The following ZEB2 variants were observed in gnomAD, a reference collection of about 807,000 sequenced individuals.
ZEB2 encodes zinc finger E-box-binding homeobox 2.
A neutral mutation model predicts 99.9 loss-of-function variants in ZEB2; 6 were observed. That is an observed-to-expected ratio of 0.06 (90% CI 0.03 to 0.12). The LOEUF is 0.12. Ranked by LOEUF, ZEB2 falls within the 10% of genes least tolerant of loss-of-function variation. ZEB2 has a pLI of 1.00. For missense variants in ZEB2, 969 were observed against 1,502.8 expected (o/e 0.64, Z 5.87); for synonymous variants, 517 against 542.5 (o/e 0.95, Z 0.65).
At chr2:144,457,360 G>C (rs1270298091) in intron 2 of ZEB2, among the ~76,000 whole-genome samples, 1 of 152,164 alleles carries the variant, frequency 6.6e-6, no homozygotes, top group Non-Finnish European at 1.5e-5. Flanking sequence ...ATCTGGATCT[G>C]ATTCCTGACT....
chr2:144,491,869 C>A (rs552560347), intron 2 of ZEB2, among the ~76,000 whole-genome samples: 100 of 152,240 alleles, frequency 6.6e-4, no homozygotes, highest in African/African-American at 2.3e-3. Context: ...CAACAGGGAG[C>A]CTCATTATGT....
chr2:144,512,371 C>G (rs1432798503), intron 2 of ZEB2: 1 of 1,287,208 alleles, frequency 7.8e-7, no homozygotes, highest in African/African-American at 1.5e-5. Flanking sequence ...CGCGGCACTG[C>G]TAGAGGCTAG....
chr2:144,479,683 T>TGGGG (rs75706490), intron 2 of ZEB2, among the ~76,000 whole-genome samples: 4 of 52,594 alleles, frequency 7.6e-5, no homozygotes, highest in African/African-American at 1.2e-4. Context: ...TACTTTTTTT[T>TGGGG]GGGGGGGGGG....
chr2:144,497,323 A>G (rs557207574), intron 2 of ZEB2, among the ~76,000 whole-genome samples: 36 of 152,256 alleles, frequency 2.4e-4, no homozygotes, highest in African/African-American at 8.2e-4. Context: ...CTAGACAGCA[A>G]GCTCCTCAGG....
intron 2 of ZEB2, among the ~76,000 whole-genome samples, chr2:144,460,260 C>T (rs1378791644): frequency 1.3e-5 from 2 of 152,098 alleles, no homozygotes; most frequent in Non-Finnish European, 2.9e-5. Flanking sequence ...TATTCTTGAT[C>T]TATGTAAAGA....
intron 4 of ZEB2, among the ~76,000 whole-genome samples, chr2:144,412,688 T>A (rs1047077178): frequency 6.6e-6 from 1 of 152,232 alleles, no homozygotes; most frequent in Non-Finnish European, 1.5e-5. Flanking sequence ...ATTCATAACA[T>A]GATTTTGGAG....
intron 4 of ZEB2, among the ~76,000 whole-genome samples, chr2:144,410,579 GT>G (rs779636618): frequency 6.6e-6 from 1 of 152,124 alleles, no homozygotes; most frequent in Admixed American, 6.5e-5. Flanking sequence ...ATACTTAAAA[GT>G]GGGCTTTGCT....
chr2:144,409,923 T>C (rs1296445144), intron 4 of ZEB2, among the ~76,000 whole-genome samples: 2 of 151,534 alleles, frequency 1.3e-5, no homozygotes, highest in Non-Finnish European at 2.9e-5. Flanking sequence ...GTTTTTTTTT[T>C]TTTTTTGAGA....
intron 6 of ZEB2, among the ~76,000 whole-genome samples, chr2:144,401,514 C>T (rs1342486009): frequency 2.0e-5 from 3 of 152,160 alleles, no homozygotes; most frequent in East Asian, 3.9e-4. Flanking sequence ...CTTTCACATG[C>T]GCATCCAACA....
Position 144,405,122 on chromosome 2 carries a change from A to G in ZEB2, c.404-98T>C, listed in dbSNP as rs574500097. The G allele has an allele frequency of 1.1e-4, 138 of 1,267,946 alleles. No homozygotes were observed. The African/African-American group carries it at 1.9e-3, about 18-fold the overall frequency. 78.5% of individuals were successfully genotyped at this position (1,267,946 alleles called of 1,614,324 possible). A position where few individuals can be genotyped will look rare whatever the true frequency, so the allele number is the denominator to read the frequency against. ...AGCCAGTGAGAAATGCTGACTTGCAATAGACTACAAAACCTAGTTTATTTG... is the reference window on the plus strand; with the variant it reads ...AGCCAGTGAGAAATGCTGACTTGCAGTAGACTACAAAACCTAGTTTATTTG... On this transcript the variant is annotated intron_variant, in intron 4 of 9. Coordinates refer to ENST00000627532, the MANE Select transcript of ZEB2 (RefSeq NM_014795.4).
At chr2:144,490,750 A>G (rs1361418317) in intron 2 of ZEB2, among the ~76,000 whole-genome samples, 2 of 152,072 alleles carry the variant, frequency 1.3e-5, no homozygotes, top group Non-Finnish European at 1.5e-5. Context: ...TGTCCACTCC[A>G]CCCTTCCACT....
intron 2 of ZEB2, among the ~76,000 whole-genome samples, chr2:144,439,754 G>A (rs145147754): frequency 6.6e-6 from 1 of 152,258 alleles, no homozygotes; most frequent in Non-Finnish European, 1.5e-5. Flanking sequence ...AAGAAGAAAT[G>A]AATCAAGTAA....
At position 144,398,851 on chromosome 2, in the gene ZEB2, C is replaced by T. The variant is rs1162632837; in HGVS notation, c.2336G>A (p.Arg779Lys). 6.2e-7 allele frequency: 1 copy of T among 1,614,124 alleles called. No individual in the cohort carries two copies. Among genetic ancestry groups the T allele is most frequent in the Admixed American group, 1.7e-5 (1 of 60,022 alleles). Residue 779 changes from arginine (R) to lysine (K), a missense_variant, in exon 8 of 10, where the codon AGG becomes AAG. By Grantham distance (26) the Arg-to-Lys change is conservative. Around this residue, in one of 8 missense-constraint regions of ZEB2, gnomAD observed 346 missense variants for 460.0 expected, o/e 0.75. Coordinates refer to ENST00000627532, the MANE Select transcript of ZEB2 (RefSeq NM_014795.4). The part of the protein sequence containing the change: ...IKPVEKLDHS[R>K]SNTPSPLNLS... ...ATTTAAGGGAGAAGGAGTATTACTCCTGGAGTGGTCCAATTTTTCAACTGG... is the reference window on the plus strand; with the variant it reads ...ATTTAAGGGAGAAGGAGTATTACTCTTGGAGTGGTCCAATTTTTCAACTGG...
chr2:144,518,407 G>A (rs1364850640), intron 1 of ZEB2: 1 of 152,192 alleles, frequency 6.6e-6, no homozygotes, highest in Non-Finnish European at 1.5e-5. Context: ...GGTGGAGGTT[G>A]GGAAGATGCT....
At chr2:144,465,030 C>T (rs1704252776) in intron 2 of ZEB2, among the ~76,000 whole-genome samples, 1 of 152,132 alleles carries the variant, frequency 6.6e-6, no homozygotes, top group South Asian at 2.1e-4. Flanking sequence ...ACAGAAACAC[C>T]TCACTTGTCC....
chr2:144,481,557 A>G (rs750943014), intron 2 of ZEB2, among the ~76,000 whole-genome samples: 5 of 152,212 alleles, frequency 3.3e-5, no homozygotes, highest in Non-Finnish European at 7.3e-5. Flanking sequence ...AAGTATTTTA[A>G]TCTAGATAAA....
At chr2:144,419,138 A>G (rs1476440777) in intron 4 of ZEB2, among the ~76,000 whole-genome samples, 1 of 152,208 alleles carries the variant, frequency 6.6e-6, no homozygotes, top group African/African-American at 2.4e-5. Context: ...GTAACTAGTA[A>G]TTGGTAGAGA....
intron 2 of ZEB2, among the ~76,000 whole-genome samples, chr2:144,476,469 CT>C (rs1456501764): frequency 3.3e-5 from 5 of 152,160 alleles, no homozygotes; most frequent in Admixed American, 3.3e-4. Flanking sequence ...TCAAAGGACA[CT>C]TAAGTGATGG....
intron 2 of ZEB2, chr2:144,512,818 T>C: frequency 7.8e-7 from 1 of 1,286,926 alleles, no homozygotes; most frequent in Non-Finnish European, 1.0e-6. Context: ...GTGACAAAAC[T>C]TGCAGAAGAT....
Sources: gnomAD v4.1 joint callset for allele counts (sites outside exome capture counted in the v4.1 genomes callset) on GRCh38, gnomAD v4.1.1 for gene constraint, gnomAD v4.1.1 regional missense constraint, MANE v1.5 for transcripts, NCBI Gene and HGNC (gene_info 2026-07-23, HGNC 2026-07-21) for gene names.